NFAT5: variants seen among roughly 807,000 people sequenced by gnomAD.
NFAT5 encodes nuclear factor of activated T-cells 5.
In NFAT5, 31 loss-of-function variants were observed where a neutral mutation model predicts 166.5. The observed-to-expected ratio is 0.19, with a 90% confidence interval of 0.14 to 0.25. NFAT5 has a LOEUF of 0.25. Ranked by LOEUF, NFAT5 falls within the 10% of genes least tolerant of loss-of-function variation. The pLI is 1.00. For synonymous variants in NFAT5, 612 were observed against 639.7 expected (o/e 0.96, Z 0.65); for missense variants, 1,449 against 1,821.8 (o/e 0.80, Z 3.72).
At chr16:69,590,178 A>G (rs2032373525) in intron 2 of NFAT5, among the ~76,000 whole-genome samples, 1 of 152,160 alleles carries the variant, frequency 6.6e-6, no homozygotes, top group African/African-American at 2.4e-5. Flanking sequence ...TGTCTCAAAT[A>G]ATAAAAAAAT....
intron 9 of NFAT5, 152 bp downstream of exon 9, chr16:69,670,440 G>A (rs563461869): frequency 1.8e-5 from 10 of 548,194 alleles, no homozygotes; most frequent in African/African-American, 1.0e-4. Context: ...TTCTTTAACT[G>A]AAATAGAATT....
intron 7 of NFAT5, among the ~76,000 whole-genome samples, chr16:69,666,977 G>A (rs1376623190): frequency 6.6e-6 from 1 of 150,978 alleles, no homozygotes; most frequent in African/African-American, 2.4e-5. Context: ...ATACACCATG[G>A]AATACTATGC....
At chr16:69,649,334 A>G in intron 4 of NFAT5, 3 of 971,686 alleles carry the variant, frequency 3.1e-6, no homozygotes, top group African/African-American at 3.5e-5. Context: ...TGAAGGTTCA[A>G]ATTTAGAGCA....
chr16:69,582,636 C>T (rs569435755), intron 2 of NFAT5, among the ~76,000 whole-genome samples: 1 of 147,070 alleles, frequency 6.8e-6, no homozygotes, highest in African/African-American at 2.5e-5. Context: ...ATTGAATGGT[C>T]TTGGCACTCT....
At chr16:69,686,291 T>C (rs1167680497) in intron 11 of NFAT5, among the ~76,000 whole-genome samples, 3 of 151,716 alleles carry the variant, frequency 2.0e-5, no homozygotes, top group South Asian at 2.1e-4. Context: ...AGGTGGAGGC[T>C]ACAGTGAGCC....
intron 2 of NFAT5, among the ~76,000 whole-genome samples, chr16:69,594,913 G>A (rs576362921): frequency 3.9e-5 from 6 of 152,244 alleles, no homozygotes; most frequent in Admixed American, 1.3e-4. Context: ...TCTGACATTC[G>A]AGGGCAGGAA....
intron 3 of NFAT5, among the ~76,000 whole-genome samples, chr16:69,636,002 A>G (rs536371467): frequency 6.6e-6 from 1 of 152,336 alleles, no homozygotes; most frequent in South Asian, 2.1e-4. Context: ...CCTTTTGCCT[A>G]TGAGCCTGTA....
At chr16:69,610,680 A>G (rs933779822) in intron 2 of NFAT5, among the ~76,000 whole-genome samples, 12 of 152,244 alleles carry the variant, frequency 7.9e-5, no homozygotes, top group African/African-American at 2.9e-4. Context: ...TAATTGGAAC[A>G]TAATTTCTTC....
chr16:69,592,029 A>G (rs1204838025), intron 2 of NFAT5, among the ~76,000 whole-genome samples: 1 of 151,644 alleles, frequency 6.6e-6, no homozygotes, highest in African/African-American at 2.4e-5. Context: ...TTTTAGGTTT[A>G]GTGGTAACTC....
rs936052419 is a variant in NFAT5 at position 69,591,669 on chromosome 16, G to C, written c.127+23121G>C. 1.1e-4 allele frequency among the ~76,000 whole-genome samples: 16 copies of C among 152,218 alleles called. 2 individuals carry two copies. The highest frequency in any genetic ancestry group is 3.9e-4 in the East Asian group (2 of 5,176). ...TTGAGAAAAAAAGTTGATTTTTCAGGATAAGTAATTCTTTTTGGGTGTTCA... is the reference window on the plus strand; with the variant it reads ...TTGAGAAAAAAAGTTGATTTTTCAGCATAAGTAATTCTTTTTGGGTGTTCA... On this transcript the variant is annotated intron_variant, in intron 2 of 14. Coordinates refer to ENST00000349945, the MANE Select transcript of NFAT5 (RefSeq NM_138713.4).
rs1022450195 is a variant in NFAT5 at position 69,662,433 on chromosome 16, G to A, written c.1369+2534G>A. Among the ~76,000 whole-genome samples the A allele has an allele frequency of 2.7e-5, 4 of 150,472 alleles. No homozygotes were observed. The South Asian group carries it at 8.4e-4, about 32-fold the overall frequency. ...AGTGGTAAGATTTGAGGTTACAGAG[G>A]TAGACAACACCTCTTTCTTTTTTTT... On this transcript the variant is annotated intron_variant, in intron 7 of 14. Coordinates refer to ENST00000349945, the MANE Select transcript of NFAT5 (RefSeq NM_138713.4).
chr16:69,596,659 A>C (rs1041949028), intron 2 of NFAT5, among the ~76,000 whole-genome samples: 2 of 151,386 alleles, frequency 1.3e-5, no homozygotes, highest in African/African-American at 4.9e-5. Flanking sequence ...CAGAGGTTGC[A>C]GTGAGCCGAG....
chr16:69,653,423 G>A lies in NFAT5; in HGVS notation c.1000G>A (p.Val334Ile). Residue 334 changes from valine to isoleucine, a missense_variant, in exon 5 of 15, where the codon GTA becomes ATA. By Grantham distance (29) the Val-to-Ile change is conservative. This residue lies in a region of NFAT5 where 13 missense variants were observed against 16.4 expected (regional missense o/e 0.79). Transcript: ENST00000349945. ...KDRTQQGFPT[V>I]KLEGHNEPVV... ...TAGAACACAGCAAGGCTTTCCTACA[G>A]TAAAGGTATTTACTTTATTTATCAT... is the stretch of plus-strand genomic sequence containing the variant. 6 of 1,556,114 alleles carry A rather than the reference G, an allele frequency of 3.9e-6. 1 individual carries two copies. The highest frequency in any genetic ancestry group is 3.6e-5 in the South Asian group (3 of 82,278).
At chr16:69,620,058 G>A (rs1220883600) in intron 2 of NFAT5, among the ~76,000 whole-genome samples, 1 of 152,200 alleles carries the variant, frequency 6.6e-6, no homozygotes, top group African/African-American at 2.4e-5. Flanking sequence ...AAGCCAACCA[G>A]TCAGTGCATT....
intron 10 of NFAT5, among the ~76,000 whole-genome samples, chr16:69,682,845 G>A (rs1484876415): frequency 6.6e-6 from 1 of 152,054 alleles, no homozygotes; most frequent in Non-Finnish European, 1.5e-5. Context: ...CAGGAGATGT[G>A]TACAGATTTC....
At chr16:69,569,767 A>C (rs906051013) in intron 2 of NFAT5, among the ~76,000 whole-genome samples, 9 of 152,236 alleles carry the variant, frequency 5.9e-5, no homozygotes, top group African/African-American at 2.2e-4. Context: ...AATTTAGAGC[A>C]TATAAAATGT....
chr16:69,640,011 G>A (rs1179823521), intron 3 of NFAT5, among the ~76,000 whole-genome samples: 3 of 152,122 alleles, frequency 2.0e-5, no homozygotes, highest in Non-Finnish European at 4.4e-5. Flanking sequence ...AGTACAAATG[G>A]GAGATTGAAA....
At chr16:69,618,392 T>C (rs1357988165) in intron 2 of NFAT5, among the ~76,000 whole-genome samples, 5 of 152,214 alleles carry the variant, frequency 3.3e-5, no homozygotes, top group Non-Finnish European at 5.9e-5. Flanking sequence ...GACAGAGCAT[T>C]ACCTACCAGT....
Position 69,677,381 on chromosome 16 carries a change from C to G in NFAT5, c.1690+46C>G, listed in dbSNP as rs750676821. On this transcript the variant is annotated intron_variant, in intron 10 of 14. Transcript: ENST00000349945. The stretch of plus-strand genomic sequence containing the variant: ...CAGAACTAAAACAAATAATTAATTT[C>G]CAGTTTTTTGAAAGAATATGAAGAT... 8.1e-6 allele frequency: 12 copies of G among 1,484,320 alleles called. 1 individual carries two copies. In the South Asian group the frequency reaches 1.7e-4, roughly 21 times the overall value. The allele number at this position is 1,484,320 out of a possible 1,614,324, so 91.9% of individuals were successfully genotyped here.
Sources: gnomAD v4.1 joint callset for allele counts (sites outside exome capture counted in the v4.1 genomes callset) on GRCh38, gnomAD v4.1.1 for gene constraint, gnomAD v4.1.1 regional missense constraint, MANE v1.5 for transcripts, NCBI Gene and HGNC (gene_info 2026-07-23, HGNC 2026-07-21) for gene names.